The following VPS4A variants were observed in gnomAD, a reference collection of about 807,000 sequenced individuals.
The protein encoded by VPS4A is vacuolar protein sorting-associated protein 4A.
In VPS4A, 20 loss-of-function variants were observed where a neutral mutation model predicts 52.3. The observed-to-expected ratio is 0.38, with a 90% CI of 0.27 to 0.56. The LOEUF (loss-of-function observed/expected upper bound fraction) is 0.56. Ranked by LOEUF, VPS4A falls within the 20% of genes least tolerant of loss-of-function variation. The pLI is 0.72. For synonymous variants in VPS4A, 293 were observed against 227.7 expected (o/e 1.29, Z -2.58); for missense variants, 419 against 575.9 (o/e 0.73, Z 2.79).
rs565295829 is a variant in VPS4A, at chr16:69,317,212, AC to A, written c.281+841del. On this transcript the variant is annotated intron_variant, in intron 3 of 10. Coordinates refer to ENST00000254950, the MANE Select transcript of VPS4A (RefSeq NM_013245.3). ...AGGATTAAATCAAGTTTTGAGGATG[AC>A]AGATTCCATCCAGGGAGGAAGTAGC... Among the ~76,000 whole-genome samples, 13 of 151,602 alleles carry A rather than the reference AC, an allele frequency of 8.6e-5. No individual in the cohort carries two copies. In the South Asian group the frequency reaches 2.5e-3, roughly 29 times the overall value.
At position 69,325,507 on chromosome 16, in the gene VPS4A, G is replaced by A. The variant is rs1018976106; in HGVS notation, c.*1198G>A. The A allele has an allele frequency of 1.4e-4, 21 of 151,610 alleles. No individual in the cohort carries two copies. The highest frequency in any genetic ancestry group is 4.6e-4 in the African/African-American group (19 of 41,292). The allele number at this position is 151,610 out of a possible 1,614,324, so 9.4% of individuals were successfully genotyped here. Reference sequence around the variant, plus strand: ...TCCCAGCACTTTGGGAGGCCGACGCGGGCGGATCACAAGGTCAGGAAATCG... The same window carrying A: ...TCCCAGCACTTTGGGAGGCCGACGCAGGCGGATCACAAGGTCAGGAAATCG... On this transcript the variant is annotated 3_prime_UTR_variant, in exon 11 of 11. Transcript: ENST00000254950.
At position 69,319,533 on chromosome 16, in the gene VPS4A, G is replaced by GA; in HGVS notation, c.611dup (p.Ser205GlufsTer2). On this transcript the variant is annotated frameshift_variant, in exon 6 of 11. Transcript: ENST00000254950. LOFTEE classifies it high-confidence loss of function. ...AGATCTGATGTCCAAGTGGCTGGGG[G>GA]AGAGTGAAAAGTAAGTCGGCCACCA... 6.2e-7 allele frequency: 1 copy of GA among 1,613,042 alleles called. No individual in the cohort carries two copies. The highest frequency in any genetic ancestry group is 8.5e-7 in the Non-Finnish European group (1 of 1,179,548).
At position 69,319,384 on chromosome 16, in the gene VPS4A, C is replaced by T. The variant is rs2143260495; in HGVS notation, c.464-3C>T. 6.2e-7 allele frequency: 1 copy of T among 1,613,606 alleles called. No homozygotes were observed. Among genetic ancestry groups the T allele is most frequent in the East Asian group, 2.2e-5 (1 of 44,890 alleles). ...GCCTAACTTCTGTGGTTCTCTGTTG[C>T]AGGCAAGCGCACCCCCTGGCGGGGG... is the stretch of plus-strand genomic sequence containing the variant. On this transcript the variant is annotated splice_region_variant and splice_polypyrimidine_tract_variant and intron_variant, in intron 5 of 10. Coordinates refer to ENST00000254950, the MANE Select transcript of VPS4A (RefSeq NM_013245.3).
rs754513167 is a variant in VPS4A at position 69,316,058 on chromosome 16, C to G, written c.72C>G (p.Asn24Lys). 2 of 1,613,586 alleles carry G rather than the reference C, an allele frequency of 1.2e-6. No individual in the cohort carries two copies. Among genetic ancestry groups the G allele is most frequent in the Non-Finnish European group, 1.7e-6 (2 of 1,179,880 alleles). The change falls in exon 2 of 11, where the codon AAC becomes AAG. Residue 24 changes from asparagine to lysine, a missense_variant. Coordinates refer to ENST00000254950, the MANE Select transcript of VPS4A (RefSeq NM_013245.3). ...TKATEEDKAK[N>K]YEEALRLYQH... ...CCACAGAGGAGGACAAAGCCAAGAACTACGAGGAGGCGCTGCGGCTGTACC... is the reference window on the plus strand; with the variant it reads ...CCACAGAGGAGGACAAAGCCAAGAAGTACGAGGAGGCGCTGCGGCTGTACC...
At chr16:69,313,810 A>G (rs891269988) in intron 1 of VPS4A, among the ~76,000 whole-genome samples, 1 of 152,048 alleles carries the variant, frequency 6.6e-6, no homozygotes, top group Non-Finnish European at 1.5e-5. Flanking sequence ...GCCAGCCCCC[A>G]TTAGCACTCT....
At position 69,320,433 on chromosome 16, in the gene VPS4A, T is replaced by C; in HGVS notation, c.769+144T>C. 1 of 1,240,610 alleles carries C rather than the reference T, an allele frequency of 8.1e-7. No homozygotes were observed. The highest frequency in any genetic ancestry group is 1.1e-6 in the Non-Finnish European group (1 of 905,020). The allele number at this position is 1,240,610 out of a possible 1,614,324, so 76.9% of individuals were successfully genotyped here. On this transcript the variant is annotated intron_variant, in intron 7 of 10. Transcript: ENST00000254950. The surrounding 1 kb of genome is among the most constrained non-coding windows in gnomAD (Gnocchi z 4.2). ...CCAGCCCCTCAGGGCACGGGTGGAC[T>C]TCAATTCCCAAGAGGTGCCTGAGGC...
At chr16:69,313,146 TA>T (rs1445956789) in intron 1 of VPS4A, among the ~76,000 whole-genome samples, 4 of 150,610 alleles carry the variant, frequency 2.7e-5, no homozygotes, top group East Asian at 2.0e-4. Context: ...ACCCAGCTAA[TA>T]TTTTTTTGTA....
chr16:69,323,598 G>A (rs1270947332), intron 10 of VPS4A: 2 of 455,896 alleles, frequency 4.4e-6, no homozygotes, highest in Non-Finnish European at 8.8e-6. Context: ...TGCATAGCCT[G>A]GCCCGTGCCA....
At chr16:69,324,057 G>A in intron 10 of VPS4A, 151 bp from the exon 11 acceptor site, 1 of 672,306 alleles carries the variant, frequency 1.5e-6, no homozygotes, top group South Asian at 1.9e-5. Flanking sequence ...AGAGGGAAGA[G>A]GGTCCCTGCC....
At chr16:69,314,911 G>A (rs923140451) in intron 1 of VPS4A, among the ~76,000 whole-genome samples, 1 of 152,002 alleles carries the variant, frequency 6.6e-6, no homozygotes, top group African/African-American at 2.4e-5. Context: ...GTGAAGCTGC[G>A]GTTTTTAAAA....
chr16:69,320,827 C>T lies in VPS4A; in HGVS notation c.851+58C>T. 6.6e-7 allele frequency: 1 copy of T among 1,522,004 alleles called. No individual in the cohort carries two copies. Among genetic ancestry groups the T allele is most frequent in the Non-Finnish European group, 8.9e-7 (1 of 1,118,732 alleles). The allele number at this position is 1,522,004 out of a possible 1,614,324, so 94.3% of individuals were successfully genotyped here. A position where few individuals can be genotyped will look rare whatever the true frequency, so the allele number is the denominator to read the frequency against. On this transcript the variant is annotated intron_variant, in intron 8 of 10. Transcript: ENST00000254950. This position sits in a 1 kb window ranked among gnomAD's most constrained non-coding sequence, Gnocchi z 4.2. The stretch of plus-strand genomic sequence containing the variant: ...GGCTTCCTCCCACCATGGTCACGGT[C>T]CGCCTGCTGCTGGCAGCCCGGGTGC...
intron 1 of VPS4A, among the ~76,000 whole-genome samples, chr16:69,313,901 C>G (rs1965406106): frequency 6.6e-6 from 1 of 151,542 alleles, no homozygotes; most frequent in Non-Finnish European, 1.5e-5. Context: ...CCCTCCTGTT[C>G]TGTAAAACTG....
rs1597215802 is a variant in VPS4A, at chr16:69,324,307, TA to T, written c.*2del. 1 of 1,613,464 alleles carries T rather than the reference TA, an allele frequency of 6.2e-7. No individual in the cohort carries two copies. Among genetic ancestry groups the T allele is most frequent in the Non-Finnish European group, 8.5e-7 (1 of 1,179,708 alleles). On this transcript the variant is annotated frameshift_variant and stop_lost, in exon 11 of 11. Transcript: ENST00000254950. LOFTEE classifies it high-confidence loss of function. ...CTCAGAGGACTTTGGGCAAGAGAGT[TA>T]AAAGCTGCTTCACTTGGGCAATGGT... is the stretch of plus-strand genomic sequence containing the variant. ...KFSEDFGQES[*>X]
In VPS4A at chr16:69,325,004, C is replaced by T. The variant is rs986761062; in HGVS notation, c.*695C>T. On this transcript the variant is annotated 3_prime_UTR_variant, in exon 11 of 11. Transcript: ENST00000254950. ...CAGCCACTGCCCCTGGGTCCCTGTC[C>T]TGGAAATGGTCTAATAAATCCTTTT... is the stretch of plus-strand genomic sequence containing the variant. 1.3e-5 allele frequency: 2 copies of T among 152,596 alleles called. No individual in the cohort carries two copies. Among genetic ancestry groups the T allele is most frequent in the East Asian group, 1.9e-4 (1 of 5,206 alleles). 9.5% of individuals were successfully genotyped at this position (152,596 alleles called of 1,614,324 possible).
chr16:69,325,408 CTG>C lies in VPS4A; in HGVS notation c.*1101_*1102del. The C allele has an allele frequency of 1.0e-5, 1 of 95,968 alleles. No individual in the cohort carries two copies. The highest frequency in any genetic ancestry group is 3.4e-4 in the South Asian group (1 of 2,902). 5.9% of individuals were successfully genotyped at this position (95,968 alleles called of 1,614,324 possible). ...AGTTGCTGGGCGCGGTGGCTCACGCCTGTAATCCCAGCACTTTGGGCCGCTAA... is the reference window on the plus strand; with the variant it reads ...AGTTGCTGGGCGCGGTGGCTCACGCCTAATCCCAGCACTTTGGGCCGCTAA... On this transcript the variant is annotated 3_prime_UTR_variant, in exon 11 of 11. Transcript: ENST00000254950.
chr16:69,315,868 G>T lies in VPS4A; in HGVS notation c.22-140G>T, dbSNP rs774123497. On this transcript the variant is annotated intron_variant, in intron 1 of 10. Coordinates refer to ENST00000254950, the MANE Select transcript of VPS4A (RefSeq NM_013245.3). Reference sequence around the variant, plus strand: ...GGCCTTTCTAGCCGATGTTGAAAAAGTAGGCCAATGAAATGGCCCGCAAGC... The same window carrying T: ...GGCCTTTCTAGCCGATGTTGAAAAATTAGGCCAATGAAATGGCCCGCAAGC... 3 of 673,206 alleles carry T rather than the reference G, an allele frequency of 4.5e-6. No individual in the cohort carries two copies. The Admixed American group carries it at 8.9e-5, about 20-fold the overall frequency. 41.7% of individuals were successfully genotyped at this position (673,206 alleles called of 1,614,324 possible). A position where few individuals can be genotyped will look rare whatever the true frequency, so the allele number is the denominator to read the frequency against.
At position 69,325,723 on chromosome 16, in the gene VPS4A, ACT is replaced by A. The variant is rs901866684; in HGVS notation, c.*1417_*1418del. On this transcript the variant is annotated 3_prime_UTR_variant, in exon 11 of 11. Coordinates refer to ENST00000254950, the MANE Select transcript of VPS4A (RefSeq NM_013245.3). ...ACTCCAGCCTGGGCGACAGAGCAAGACTCTGTCTCAAAAAAAAAAAAAAAGTC... is the reference window on the plus strand; with the variant it reads ...ACTCCAGCCTGGGCGACAGAGCAAGACTGTCTCAAAAAAAAAAAAAAAGTC... 1.4e-4 allele frequency: 20 copies of A among 142,822 alleles called. No individual in the cohort carries two copies. The highest frequency in any genetic ancestry group is 4.0e-4 in the African/African-American group (15 of 37,676). 8.8% of individuals were successfully genotyped at this position (142,822 alleles called of 1,614,324 possible). A position where few individuals can be genotyped will look rare whatever the true frequency, so the allele number is the denominator to read the frequency against.
Position 69,320,871 on chromosome 16 carries a change from T to C in VPS4A, c.851+102T>C. The C allele has an allele frequency of 7.6e-7, 1 of 1,322,078 alleles. No homozygotes were observed. Among genetic ancestry groups the C allele is most frequent in the Admixed American group, 2.1e-5 (1 of 48,290 alleles). The allele number at this position is 1,322,078 out of a possible 1,614,324, so 81.9% of individuals were successfully genotyped here. On this transcript the variant is annotated intron_variant, in intron 8 of 10. Transcript: ENST00000254950. The surrounding 1 kb of genome is among the most constrained non-coding windows in gnomAD (Gnocchi z 4.2). Reference sequence around the variant, plus strand: ...CGGGTGCAGCCTGGCCCCTTTTCCCTGGAGTCTTCCCGTCTGCCTGCCAAG... The same window carrying C: ...CGGGTGCAGCCTGGCCCCTTTTCCCCGGAGTCTTCCCGTCTGCCTGCCAAG...
intron 10 of VPS4A, chr16:69,323,821 G>C: frequency 5.4e-6 from 2 of 371,582 alleles, no homozygotes; most frequent in South Asian, 2.0e-5. Flanking sequence ...GTGGTGGCAC[G>C]TGCCTGTAGT....
Sources: allele counts gnomAD v4.1 joint callset (sites outside exome capture counted in the v4.1 genomes callset), GRCh38; gene constraint gnomAD v4.1.1; non-coding constraint Gnocchi (gnomAD v3.1); transcripts MANE v1.5; gene names NCBI Gene and HGNC (gene_info 2026-07-23, HGNC 2026-07-21).